KCNQ5: variants seen among roughly 807,000 people sequenced by gnomAD.
KCNQ5 encodes the protein potassium voltage-gated channel subfamily KQT member 5.
Under a neutral mutation model 98.2 loss-of-function variants are expected in KCNQ5, and 30 were observed. That is an observed-to-expected ratio of 0.31 (90% CI 0.23 to 0.41). The LOEUF (loss-of-function observed/expected upper bound fraction) is 0.41, where lower values mean the gene tolerates loss of function less well. KCNQ5 is among the 10% of genes least tolerant of loss of function. The probability of loss-of-function intolerance (pLI) is 1.00; values close to 1 mark genes in which losing one functional copy is unlikely to be tolerated. For missense variants in KCNQ5, 835 were observed against 1,182.5 expected, an observed-to-expected ratio of 0.71 and a Z score of 4.31; for synonymous variants, 458 against 449.4, an observed-to-expected ratio of 1.02 and a Z score of -0.24.
intron 1 of KCNQ5, among the ~76,000 whole-genome samples, chr6:72,852,547 G>A (rs9342976): frequency 0.12 from 17,197 of 146,176 alleles, 1,570 homozygotes; most frequent in East Asian, 0.42. Context: ...CTCATATATC[G>A]GAGCAAAAAA....
intron 1 of KCNQ5, among the ~76,000 whole-genome samples, chr6:72,942,548 A>G (rs117172892): frequency 6.6e-6 from 1 of 152,350 alleles, no homozygotes; most frequent in Non-Finnish European, 1.5e-5. Flanking sequence ...CCTCAGTGGC[A>G]GAGAAATTCT....
rs59716791 is a variant in KCNQ5 at position 72,731,815 on chromosome 6, G to A, written c.398+109228G>A. Among the ~76,000 whole-genome samples the A allele has an allele frequency of 3.1e-3, 466 of 152,242 alleles. 6 individuals carry two copies. Among genetic ancestry groups the A allele is most frequent in the African/African-American group, 0.01 (428 of 41,546 alleles). On this transcript the variant is annotated intron_variant, in intron 1 of 13. Coordinates refer to ENST00000370398, the MANE Select transcript of KCNQ5 (RefSeq NM_019842.4). ...ATGGATTTTGGGGAGACAACTTCCA[G>A]TCCTGCCACGAGGAACAAACCTTCA... is the stretch of plus-strand genomic sequence containing the variant.
chr6:72,713,301 A>G (rs993351307), intron 1 of KCNQ5, among the ~76,000 whole-genome samples: 4 of 152,114 alleles, frequency 2.6e-5, no homozygotes, highest in African/African-American at 9.7e-5. Flanking sequence ...TTCTTCCTGC[A>G]CCACCCTTCC....
chr6:72,763,116 C>T (rs1397886685), intron 1 of KCNQ5, among the ~76,000 whole-genome samples: 1 of 151,896 alleles, frequency 6.6e-6, no homozygotes, highest in Non-Finnish European at 1.5e-5. Context: ...TTATTTATTA[C>T]AAACATAAAA....
intron 9 of KCNQ5, among the ~76,000 whole-genome samples, chr6:73,128,363 T>G (rs1198983009): frequency 2.0e-5 from 3 of 152,218 alleles, no homozygotes; most frequent in African/African-American, 7.2e-5. Context: ...AAAAAATTAG[T>G]TGGAAAAGTC....
intron 1 of KCNQ5, among the ~76,000 whole-genome samples, chr6:72,886,794 G>A (rs1778861488): frequency 1.3e-5 from 2 of 152,102 alleles, no homozygotes; most frequent in Non-Finnish European, 2.9e-5. Context: ...ACTGACAGGT[G>A]TAATTGTATG....
Position 73,080,752 on chromosome 6 carries a change from A to G in KCNQ5, c.918+2865A>G, listed in dbSNP as rs112008325. Among the ~76,000 whole-genome samples, 1,467 of 152,314 alleles carry G rather than the reference A, an allele frequency of 9.6e-3. 26 individuals are homozygous for G. The highest frequency in any genetic ancestry group is 0.033 in the African/African-American group (1,383 of 41,582). The stretch of plus-strand genomic sequence containing the variant: ...ATGAAAAAAGGAAATCCCCTATATT[A>G]AAAGATCCCACAGTATCAACATTAA... On this transcript the variant is annotated intron_variant, in intron 5 of 13. Transcript: ENST00000370398.
chr6:73,048,301 A>G (rs957593851), intron 3 of KCNQ5, among the ~76,000 whole-genome samples: 1 of 152,204 alleles, frequency 6.6e-6, no homozygotes, highest in African/African-American at 2.4e-5. Context: ...AGATCTTTCC[A>G]GGCCAGGGAA....
chr6:73,150,033 A>T (rs1777088854), intron 10 of KCNQ5, among the ~76,000 whole-genome samples: 1 of 152,052 alleles, frequency 6.6e-6, no homozygotes, highest in African/African-American at 2.4e-5. Context: ...CCAGTTGAAT[A>T]AGAAAATAGG....
chr6:73,052,000 G>A (rs1772265782), intron 3 of KCNQ5, among the ~76,000 whole-genome samples: 1 of 152,174 alleles, frequency 6.6e-6, no homozygotes, highest in Non-Finnish European at 1.5e-5. Flanking sequence ...ACAACAAAGT[G>A]ATACAGGAGA....
intron 1 of KCNQ5, among the ~76,000 whole-genome samples, chr6:72,850,911 T>A (rs77936329): frequency 1.3e-5 from 2 of 151,870 alleles, no homozygotes; most frequent in African/African-American, 4.9e-5. Context: ...TGATTCATTA[T>A]ACATTTATAA....
intron 1 of KCNQ5, among the ~76,000 whole-genome samples, chr6:72,804,636 A>T (rs1048131256): frequency 7.2e-5 from 11 of 152,106 alleles, no homozygotes; most frequent in African/African-American, 2.7e-4. Context: ...GGGAGTGCAG[A>T]TATCTCTTCA....
At chr6:72,672,935 G>A (rs909637228) in intron 1 of KCNQ5, among the ~76,000 whole-genome samples, 9 of 152,174 alleles carry the variant, frequency 5.9e-5, no homozygotes, top group Non-Finnish European at 1.3e-4. Context: ...AAGGCTAGTA[G>A]GTAATCCAAT....
intron 2 of KCNQ5, among the ~76,000 whole-genome samples, chr6:73,024,089 T>C (rs1770744859): frequency 6.6e-6 from 1 of 152,176 alleles, no homozygotes. Context: ...TAATTGCCTC[T>C]TAACGCATCA....
chr6:73,019,466 A>C (rs1449237061), intron 2 of KCNQ5, among the ~76,000 whole-genome samples: 1 of 152,176 alleles, frequency 6.6e-6, no homozygotes, highest in Non-Finnish European at 1.5e-5. Context: ...TTGATAATGC[A>C]GTCCTTTCCA....
rs1198506314 is a variant in KCNQ5 at position 73,168,804 on chromosome 6, A to T, written c.1469-942A>T. Among the ~76,000 whole-genome samples, 6 of 152,216 alleles carry T rather than the reference A, an allele frequency of 3.9e-5. No homozygotes were observed. The East Asian group carries it at 1.2e-3, about 29-fold the overall frequency. ...TGTATTGCCAAAGTAATACATGTTC[A>T]TTGGAGAAATGTTAGAAAATACAGG... On this transcript the variant is annotated intron_variant, in intron 10 of 13. Coordinates refer to ENST00000370398, the MANE Select transcript of KCNQ5 (RefSeq NM_019842.4).
At chr6:73,059,377 A>C (rs1290203876) in intron 3 of KCNQ5, among the ~76,000 whole-genome samples, 2 of 152,206 alleles carry the variant, frequency 1.3e-5, no homozygotes, top group African/African-American at 4.8e-5. Flanking sequence ...ATATGGTCAC[A>C]AACAAGAGAA....
At chr6:72,698,056 A>G (rs1768594070) in intron 1 of KCNQ5, among the ~76,000 whole-genome samples, 1 of 152,166 alleles carries the variant, frequency 6.6e-6, no homozygotes, top group Admixed American at 6.5e-5. Flanking sequence ...TCTCTACAAA[A>G]ATAAACAAAT....
At chr6:73,094,494 T>C (rs542401228) in intron 5 of KCNQ5, among the ~76,000 whole-genome samples, 75 of 152,254 alleles carry the variant, frequency 4.9e-4, no homozygotes, top group African/African-American at 1.8e-3. Flanking sequence ...GTTTTTTAAA[T>C]TGTATTTTTG....
Sources: gnomAD v4.1 joint callset for allele counts (sites outside exome capture counted in the v4.1 genomes callset) on GRCh38, gnomAD v4.1.1 for gene constraint, MANE v1.5 for transcripts, NCBI Gene and HGNC (gene_info 2026-07-23, HGNC 2026-07-21) for gene names.